ZFHX3: variants seen among roughly 807,000 people sequenced by gnomAD.
ZFHX3 encodes zinc finger homeobox 3, also known as zinc finger homeobox protein 3.
Under a neutral mutation model 279.1 loss-of-function variants are expected in ZFHX3, and 42 were observed. The observed-to-expected ratio is 0.15, with a 90% CI of 0.12 to 0.19. The LOEUF (loss-of-function observed/expected upper bound fraction) is 0.19, where lower values mean the gene tolerates loss of function less well. ZFHX3 is among the 10% of genes least tolerant of loss of function. The pLI is 1.00. For missense variants in ZFHX3, 4,981 were observed against 4,754.0 expected (o/e 1.05, Z -1.40); for synonymous variants, 2,293 against 1,957.8 (o/e 1.17, Z -4.52).
chr16:73,848,862 G>A (rs971480883), intron 1 of ZFHX3, among the ~76,000 whole-genome samples: 5 of 152,078 alleles, frequency 3.3e-5, no homozygotes, highest in African/African-American at 4.8e-5. Flanking sequence ...TTACTCATAC[G>A]TACTTTCTGT....
chr16:73,767,206 G>A (rs1411701972), intron 1 of ZFHX3, among the ~76,000 whole-genome samples: 1 of 152,060 alleles, frequency 6.6e-6, no homozygotes, highest in South Asian at 2.1e-4. Context: ...CAAAGTGCTG[G>A]GATCGCAGGT....
chr16:73,026,751 G>A (rs950920351), intron 1 of ZFHX3, among the ~76,000 whole-genome samples: 3 of 148,910 alleles, frequency 2.0e-5, no homozygotes, highest in African/African-American at 7.4e-5. Context: ...TGCAAGCTAT[G>A]TTTCAAAACC....
intron 1 of ZFHX3, among the ~76,000 whole-genome samples, chr16:72,994,608 GCAGGCTCCC>G (rs769047607): frequency 6.6e-5 from 10 of 152,252 alleles, no homozygotes; most frequent in Non-Finnish European, 1.0e-4. Flanking sequence ...GCAGGGAGCA[GCAGGCTCCC>G]CTGCCTCACA....
Position 72,785,556 on chromosome 16 carries a change from C to A in ZFHX3, c.*1608G>T, listed in dbSNP as rs2035331239. ...TTTGTTTAAATCAGAAACAAATTCT[C>A]AAGTAACAAGAACCCTTTCCCTTTT... is the stretch of plus-strand genomic sequence containing the variant. On this transcript the variant is annotated 3_prime_UTR_variant, in exon 10 of 10. Coordinates refer to ENST00000268489, the MANE Select transcript of ZFHX3 (RefSeq NM_006885.4). 6.6e-6 allele frequency: 1 copy of A among 152,482 alleles called. No individual in the cohort carries two copies. Among genetic ancestry groups the A allele is most frequent in the African/African-American group, 2.4e-5 (1 of 41,396 alleles). 9.4% of individuals were successfully genotyped at this position (152,482 alleles called of 1,614,324 possible). A position where few individuals can be genotyped will look rare whatever the true frequency, so the allele number is the denominator to read the frequency against.
intron 7 of ZFHX3, chr16:72,809,671 T>C (rs1249520468): frequency 2.0e-5 from 3 of 152,214 alleles, no homozygotes; most frequent in East Asian, 1.9e-4. Flanking sequence ...TCATTAACGT[T>C]TGCAGAACCA....
At chr16:73,337,897 G>GGGC (rs1555510902) in intron 3 of ZFHX3, among the ~76,000 whole-genome samples, 1 of 140,744 alleles carries the variant, frequency 7.1e-6, no homozygotes, top group East Asian at 2.4e-4. Context: ...CTTGGCGGGG[G>GGGC]GGGGGGTCCT....
At chr16:73,614,762 T>C (rs963864631) in intron 2 of ZFHX3, among the ~76,000 whole-genome samples, 3 of 151,578 alleles carry the variant, frequency 2.0e-5, no homozygotes, top group African/African-American at 7.3e-5. Flanking sequence ...ACTTTTTCCT[T>C]CTTCTTCTTT....
chr16:72,917,913 T>C (rs1430339599), intron 3 of ZFHX3, among the ~76,000 whole-genome samples: 1 of 152,210 alleles, frequency 6.6e-6, no homozygotes, highest in Non-Finnish European at 1.5e-5. Flanking sequence ...CATTTTCAGA[T>C]ATTATAAACT....
intron 2 of ZFHX3, among the ~76,000 whole-genome samples, chr16:73,629,873 C>T (rs921428002): frequency 6.6e-6 from 1 of 152,164 alleles, no homozygotes; most frequent in African/African-American, 2.4e-5. Flanking sequence ...GTGGTTTGAA[C>T]TGATAGTCTC....
intron 2 of ZFHX3, among the ~76,000 whole-genome samples, chr16:73,612,296 C>T (rs1441605540): frequency 6.6e-6 from 1 of 152,018 alleles, no homozygotes; most frequent in Non-Finnish European, 1.5e-5. Context: ...GCACTGAAAC[C>T]TCATGAGGCA....
chr16:73,148,855 T>C (rs1966881946), intron 5 of ZFHX3, among the ~76,000 whole-genome samples: 2 of 151,766 alleles, frequency 1.3e-5, no homozygotes, highest in Non-Finnish European at 2.9e-5. Flanking sequence ...GCTGAGGCAG[T>C]AGAACCATTT....
rs115982671 is a variant in ZFHX3 at position 72,904,578 on chromosome 16, A to G, written c.3217-14616T>C. ...AATCCTCCACTCCATTCCACTTGCA[A>G]TTAGACTTGTGTCAGTTCCCACCTT... is the stretch of plus-strand genomic sequence containing the variant. On this transcript the variant is annotated intron_variant, in intron 3 of 9. Transcript: ENST00000268489. 9.2e-3 allele frequency among the ~76,000 whole-genome samples: 1,402 copies of G among 151,928 alleles called. 35 individuals are homozygous for G. Among genetic ancestry groups the G allele is most frequent in the African/African-American group, 0.032 (1,330 of 41,408 alleles).
At chr16:73,848,051 G>T (rs1329128884) in intron 1 of ZFHX3, among the ~76,000 whole-genome samples, 1 of 151,380 alleles carries the variant, frequency 6.6e-6, no homozygotes, top group Non-Finnish European at 1.5e-5. Flanking sequence ...GAGCCACCGC[G>T]CCCGGCCAAT....
chr16:73,643,688 A>T (rs1263957764), intron 2 of ZFHX3, among the ~76,000 whole-genome samples: 1 of 152,152 alleles, frequency 6.6e-6, no homozygotes, highest in Non-Finnish European at 1.5e-5. Context: ...GTCCAGGCTA[A>T]AGTTGAGGGA....
rs773606987 is a variant in ZFHX3, at chr16:72,787,631, C to T, written c.10645G>A (p.Glu3549Lys). The T allele has an allele frequency of 6.8e-6, 11 of 1,612,286 alleles. No individual in the cohort carries two copies. Among genetic ancestry groups the T allele is most frequent in the African/African-American group, 4.0e-5 (3 of 74,792 alleles). ...CGEEALSQHL[E>K]SALHKHRTIT... Reference sequence around the variant, plus strand: ...GTTCTGTGTTTGTGCAAGGCCGACTCGAGATGTTGACTCAGAGCTTCCTCC... The same window carrying T: ...GTTCTGTGTTTGTGCAAGGCCGACTTGAGATGTTGACTCAGAGCTTCCTCC... The change falls in exon 10 of 10, where the codon GAG becomes AAG. Residue 3549 changes from glutamate to lysine, a missense_variant. Physicochemically the swap from Glu to Lys is moderately conservative, Grantham distance 56. Around this residue, in one of 7 missense-constraint regions of ZFHX3, gnomAD observed 1,034 missense variants for 786.0 expected, o/e 1.32. Coordinates refer to ENST00000268489, the MANE Select transcript of ZFHX3 (RefSeq NM_006885.4).
At chr16:73,196,105 T>G (rs1968142642) in intron 5 of ZFHX3, among the ~76,000 whole-genome samples, 1 of 151,246 alleles carries the variant, frequency 6.6e-6, no homozygotes, top group African/African-American at 2.4e-5. Context: ...ATCTAGGCTG[T>G]GATCTTACCA....
intron 4 of ZFHX3, among the ~76,000 whole-genome samples, chr16:73,297,979 A>G (rs1362964184): frequency 2.6e-5 from 4 of 151,588 alleles, no homozygotes; most frequent in Admixed American, 2.0e-4. Context: ...GAATCCAGGA[A>G]TTTGAGACCA....
chr16:73,858,854 T>C (rs532543775), intron 1 of ZFHX3, among the ~76,000 whole-genome samples: 1 of 152,186 alleles, frequency 6.6e-6, no homozygotes, highest in African/African-American at 2.4e-5. Flanking sequence ...ACATGTAAGA[T>C]GTGAAGGAGA....
At position 72,967,687 on chromosome 16, in the gene ZFHX3, C is replaced by A. The variant is rs28780443; in HGVS notation, c.-49-7493G>T. ...ATCCCAGCACTTTGGGAGGCCGAGGCGGGCAGATCACGAGGCCAGGTAATC... is the reference window on the plus strand; with the variant it reads ...ATCCCAGCACTTTGGGAGGCCGAGGAGGGCAGATCACGAGGCCAGGTAATC... On this transcript the variant is annotated intron_variant, in intron 1 of 9. Coordinates refer to ENST00000268489, the MANE Select transcript of ZFHX3 (RefSeq NM_006885.4). Among the ~76,000 whole-genome samples the A allele has an allele frequency of 2.1e-4, 31 of 150,324 alleles. No individual in the cohort carries two copies. The East Asian group carries it at 5.7e-3, about 28-fold the overall frequency.
Sources: allele counts gnomAD v4.1 joint callset (sites outside exome capture counted in the v4.1 genomes callset), GRCh38; gene constraint gnomAD v4.1.1; regional missense constraint gnomAD v4.1.1; transcripts MANE v1.5; gene names NCBI Gene and HGNC (gene_info 2026-07-23, HGNC 2026-07-21).